The following GFOD1 variants were observed in gnomAD, a reference collection of about 807,000 sequenced individuals.
The protein encoded by GFOD1 is Gfo/Idh/MocA-like oxidoreductase domain containing 1.
A neutral mutation model predicts 25.4 loss-of-function variants in GFOD1; 9 were observed. The observed-to-expected ratio is 0.35, with a 90% CI of 0.21 to 0.62. GFOD1 has a LOEUF of 0.62. GFOD1 is among the 20% of genes least tolerant of loss of function. The probability of loss-of-function intolerance (pLI) is 0.72; values close to 1 mark genes in which losing one functional copy is unlikely to be tolerated. For missense variants in GFOD1, 403 were observed against 556.9 expected, an observed-to-expected ratio of 0.72 and a Z score of 2.78; for synonymous variants, 253 against 245.6, an observed-to-expected ratio of 1.03 and a Z score of -0.28.
intron 1 of GFOD1, among the ~76,000 whole-genome samples, chr6:13,432,931 C>T (rs1460214705): frequency 6.6e-6 from 1 of 152,188 alleles, no homozygotes; most frequent in African/African-American, 2.4e-5. Context: ...AACCAGCTTC[C>T]TCTCCTATAT....
Position 13,486,810 on chromosome 6 carries a change from C to A in GFOD1, c.81G>T (p.Ala27=). ...GCGTGCGGCCCCACAGCGCCTTCAC[C>A]GCGAAGCCCTCGTCTTTCAGCAGCG... ...IIPLLKDEGF[A]VKALWGRTQE... is the part of the protein sequence containing the mutation. Residue 27 remains alanine, a synonymous_variant, in exon 1 of 2, where the codon GCG becomes GCT. Coordinates refer to ENST00000379287, the MANE Select transcript of GFOD1 (RefSeq NM_018988.4). 1 of 1,613,986 alleles carries A rather than the reference C, an allele frequency of 6.2e-7. No individual in the cohort carries two copies. Among genetic ancestry groups the A allele is most frequent in the Non-Finnish European group, 8.5e-7 (1 of 1,180,010 alleles).
At chr6:13,427,005 A>G (rs984561631) in intron 1 of GFOD1, among the ~76,000 whole-genome samples, 2 of 152,146 alleles carry the variant, frequency 1.3e-5, no homozygotes, top group Non-Finnish European at 2.9e-5. Context: ...TCTCTCTCAC[A>G]GTTATTGTGA....
chr6:13,421,230 G>A (rs951732445), intron 1 of GFOD1, among the ~76,000 whole-genome samples: 2 of 152,194 alleles, frequency 1.3e-5, no homozygotes, highest in Admixed American at 6.5e-5. Context: ...GCTCATGCTT[G>A]TAATCCCAGC....
Position 13,378,225 on chromosome 6 carries a change from T to C in GFOD1, c.254-12563A>G, listed in dbSNP as rs183088219. ...GATCCAGGGTGCAAATTCAGTTCTG[T>C]GGTCCCAAAGCCCCGTGTTTTCCAT... On this transcript the variant is annotated intron_variant, in intron 1 of 1. Coordinates refer to ENST00000379287, the MANE Select transcript of GFOD1 (RefSeq NM_018988.4). 2.1e-3 allele frequency among the ~76,000 whole-genome samples: 313 copies of C among 152,260 alleles called. 4 individuals are homozygous for C. Among genetic ancestry groups the C allele is most frequent in the African/African-American group, 6.6e-3 (273 of 41,564 alleles).
intron 1 of GFOD1, among the ~76,000 whole-genome samples, chr6:13,472,634 C>T (rs1584672624): frequency 1.3e-5 from 2 of 152,214 alleles, no homozygotes; most frequent in East Asian, 3.9e-4. Flanking sequence ...CCCACACACC[C>T]ATTTCTGTAG....
chr6:13,428,889 A>G (rs1757696389), intron 1 of GFOD1, among the ~76,000 whole-genome samples: 1 of 152,230 alleles, frequency 6.6e-6, no homozygotes, highest in African/African-American at 2.4e-5. Context: ...TAAAATGTAT[A>G]GCTTCCCGCC....
intron 1 of GFOD1, among the ~76,000 whole-genome samples, chr6:13,431,611 C>T (rs770866219): frequency 2.6e-5 from 4 of 152,216 alleles, no homozygotes; most frequent in Non-Finnish European, 5.9e-5. Context: ...AACTAAAAAA[C>T]TGCACCCACT....
At chr6:13,474,255 T>C (rs1403242828) in intron 1 of GFOD1, among the ~76,000 whole-genome samples, 6 of 152,150 alleles carry the variant, frequency 3.9e-5, no homozygotes, top group Non-Finnish European at 8.8e-5. Flanking sequence ...GGTGCATGCC[T>C]GTAATTCCAG....
intron 1 of GFOD1, among the ~76,000 whole-genome samples, chr6:13,450,226 A>C (rs976809771): frequency 7.9e-5 from 12 of 152,236 alleles, no homozygotes; most frequent in African/African-American, 2.7e-4. Flanking sequence ...GGACGTAAGT[A>C]ATCATGACGC....
intron 1 of GFOD1, among the ~76,000 whole-genome samples, chr6:13,413,048 T>C (rs1786105373): frequency 6.6e-6 from 1 of 152,230 alleles, no homozygotes; most frequent in African/African-American, 2.4e-5. Context: ...CCCAGGCACA[T>C]GGCCCACCCT....
intron 1 of GFOD1, among the ~76,000 whole-genome samples, chr6:13,468,624 T>G (rs757911308): frequency 1.3e-5 from 2 of 152,206 alleles, no homozygotes; most frequent in Non-Finnish European, 2.9e-5. Context: ...GGTCCTGACT[T>G]AGCTGTCAGT....
At chr6:13,450,068 A>G (rs1403096202) in intron 1 of GFOD1, among the ~76,000 whole-genome samples, 1 of 152,176 alleles carries the variant, frequency 6.6e-6, no homozygotes, top group African/African-American at 2.4e-5. Context: ...GAGAAGGCAC[A>G]CCAGCCAAAT....
chr6:13,431,226 A>G (rs1324039163), intron 1 of GFOD1, among the ~76,000 whole-genome samples: 1 of 152,228 alleles, frequency 6.6e-6, no homozygotes, highest in Non-Finnish European at 1.5e-5. Context: ...GCTGTGTACC[A>G]CACGGTTATG....
chr6:13,459,768 G>A (rs372915806), intron 1 of GFOD1, among the ~76,000 whole-genome samples: 1 of 152,146 alleles, frequency 6.6e-6, no homozygotes, highest in African/African-American at 2.4e-5. Flanking sequence ...ATCACTGATC[G>A]TTAGAGAAAT....
At chr6:13,444,445 G>A (rs950998340) in intron 1 of GFOD1, among the ~76,000 whole-genome samples, 5 of 150,166 alleles carry the variant, frequency 3.3e-5, no homozygotes, top group African/African-American at 1.2e-4. Flanking sequence ...AAAATAATCT[G>A]TATGACAAAC....
intron 1 of GFOD1, among the ~76,000 whole-genome samples, chr6:13,465,711 G>A (rs748893589): frequency 2.3e-4 from 35 of 152,156 alleles, no homozygotes; most frequent in Non-Finnish European, 4.7e-4. Context: ...CCTTGTCTTA[G>A]AAGGAGAATT....
In GFOD1 at chr6:13,361,222, A is replaced by C; in HGVS notation, c.*3521T>G. The C allele has an allele frequency of 4.5e-6, 1 of 221,498 alleles. No individual in the cohort carries two copies. Among genetic ancestry groups the C allele is most frequent in the South Asian group, 5.8e-5 (1 of 17,188 alleles). The allele number at this position is 221,498 out of a possible 1,614,324, so 13.7% of individuals were successfully genotyped here. A position where few individuals can be genotyped will look rare whatever the true frequency, so the allele number is the denominator to read the frequency against. On this transcript the variant is annotated 3_prime_UTR_variant, in exon 2 of 2. Transcript: ENST00000379287. ...CCCTACAATGCAATTGTCTGTTGAG[A>C]GGAGAAGTCTTGGAGGAGCTGACAG... is the stretch of plus-strand genomic sequence containing the variant.
intron 1 of GFOD1, among the ~76,000 whole-genome samples, chr6:13,402,876 A>G (rs1472795051): frequency 1.3e-5 from 2 of 152,246 alleles, no homozygotes; most frequent in African/African-American, 4.8e-5. Context: ...ATACTTGTAC[A>G]TAAATATTCA....
At chr6:13,482,366 T>C (rs1458147753) in intron 1 of GFOD1, among the ~76,000 whole-genome samples, 2 of 151,570 alleles carry the variant, frequency 1.3e-5, no homozygotes, top group East Asian at 1.9e-4. Flanking sequence ...TTAACATATA[T>C]AAATTTTCAA....
Sources: allele counts gnomAD v4.1 joint callset (sites outside exome capture counted in the v4.1 genomes callset), GRCh38; gene constraint gnomAD v4.1.1; transcripts MANE v1.5; gene names NCBI Gene and HGNC (gene_info 2026-07-23, HGNC 2026-07-21).